Variants in DNAH17 observed in about 807,000 individuals in gnomAD.
DNAH17 encodes the protein axonemal beta dynein heavy chain 17.
A neutral mutation model predicts 485.6 loss-of-function variants in DNAH17; 376 were observed. That is an observed-to-expected ratio of 0.77 (90% CI 0.71 to 0.84). The LOEUF is 0.84. Ranked by LOEUF, DNAH17 falls within the 40% of genes least tolerant of loss-of-function variation. The probability of loss-of-function intolerance (pLI) is 0.00; values close to 1 mark genes in which losing one functional copy is unlikely to be tolerated. For missense variants in DNAH17, 6,370 were observed against 5,839.3 expected (o/e 1.09, Z -2.96); for synonymous variants, 3,031 against 2,405.9 (o/e 1.26, Z -7.60).
chr17:78,481,354 C>T (rs2089343513), intron 48 of DNAH17, among the ~76,000 whole-genome samples: 1 of 152,196 alleles, frequency 6.6e-6, no homozygotes, highest in African/African-American at 2.4e-5. Context: ...CCGCCCGCCT[C>T]AGCCTCCCAA....
Position 78,570,832 on chromosome 17 carries a change from T to C in DNAH17, c.918+116A>G, listed in dbSNP as rs569864224. 4.8e-6 allele frequency: 3 copies of C among 624,834 alleles called. No homozygotes were observed. The African/African-American group carries it at 7.2e-5, about 15-fold the overall frequency. 38.7% of individuals were successfully genotyped at this position (624,834 alleles called of 1,614,324 possible). A position where few individuals can be genotyped will look rare whatever the true frequency, so the allele number is the denominator to read the frequency against. Reference sequence around the variant, plus strand: ...GAGATCGCGCCACAGCACTCTAGCCTGGTGACAGAGCGAGACTCCCTCTCA... The same window carrying C: ...GAGATCGCGCCACAGCACTCTAGCCCGGTGACAGAGCGAGACTCCCTCTCA... On this transcript the variant is annotated intron_variant, in intron 6 of 80. Coordinates refer to ENST00000389840, the MANE Select transcript of DNAH17 (RefSeq NM_173628.4).
At chr17:78,529,720 T>TG in intron 21 of DNAH17, 26 bp from the exon 22 acceptor site, 3 of 1,611,062 alleles carry the variant, frequency 1.9e-6, no homozygotes, top group East Asian at 2.2e-5. Context: ...ACCATTTGTG[T>TG]GGCCCCAGCC....
chr17:78,534,066 C>T (rs955252201), intron 19 of DNAH17, among the ~76,000 whole-genome samples: 3 of 152,242 alleles, frequency 2.0e-5, no homozygotes, highest in Admixed American at 6.5e-5. Context: ...CTAGGCAATT[C>T]TTTGAGATAG....
chr17:78,567,776 T>C (rs1325669307), intron 9 of DNAH17, among the ~76,000 whole-genome samples: 1 of 152,136 alleles, frequency 6.6e-6, no homozygotes, highest in African/African-American at 2.4e-5. Flanking sequence ...CGGTCTCCCA[T>C]CTGCGCCGCT....
chr17:78,499,111 G>C lies in DNAH17; in HGVS notation c.5642C>G (p.Ser1881Cys). The change falls in exon 37 of 81, where the codon TCC (serine) becomes TGC (cysteine). Residue 1881 changes from serine (S) to cysteine (C), a missense_variant and splice_region_variant. Coordinates refer to ENST00000389840, the MANE Select transcript of DNAH17 (RefSeq NM_173628.4). ...CAGGCCCTTGTAGATATTTCCACAG[G>C]ACTGGAAAGGGCGAGATGGAGAAAG... ...FNCSEQMDYK[S>C]CGNIYKGLAQ... The C allele has an allele frequency of 6.3e-7, 1 of 1,585,666 alleles. No individual in the cohort carries two copies. The highest frequency in any genetic ancestry group is 8.6e-7 in the Non-Finnish European group (1 of 1,166,632).
At chr17:78,479,341 C>T in intron 50 of DNAH17, 144 bp downstream of exon 50, 1 of 1,195,536 alleles carries the variant, frequency 8.4e-7, no homozygotes, top group Non-Finnish European at 1.1e-6. Context: ...TTCACAATTT[C>T]TCCTGTCGAA....
chr17:78,563,159 T>C (rs1265025849), intron 11 of DNAH17, among the ~76,000 whole-genome samples: 6 of 152,218 alleles, frequency 3.9e-5, no homozygotes, highest in Non-Finnish European at 8.8e-5. Context: ...TTTAAGTTAA[T>C]TGTGTTTTTC....
At chr17:78,431,666 G>A (rs146841380) in intron 75 of DNAH17, among the ~76,000 whole-genome samples, 23 of 152,274 alleles carry the variant, frequency 1.5e-4, no homozygotes, top group Non-Finnish European at 3.1e-4. Flanking sequence ...AGCATGACCT[G>A]TGCCATGAAG....
Position 78,462,892 on chromosome 17 carries a change from G to C in DNAH17, c.9126C>G (p.Ile3042Met), listed in dbSNP as rs751541853. The change falls in exon 57 of 81, where the codon ATC (isoleucine) becomes ATG (methionine). Residue 3042 changes from isoleucine (I) to methionine (M), a missense_variant. Ile to Met is a conservative substitution (Grantham distance 10, BLOSUM62 1). Transcript: ENST00000389840. ...TCATCAGGCCGTTCTCCAGCCTCTC[G>C]ATTTTGGCAACAAGTTCCGTTCTCT... Reference protein sequence around the residue: ...AKKRTELVAKIERLENGLMKL... With the variant: ...AKKRTELVAKMERLENGLMKL... The C allele has an allele frequency of 1.3e-5, 21 of 1,613,814 alleles. No individual in the cohort carries two copies. The highest frequency in any genetic ancestry group is 3.3e-4 in the Middle Eastern group (2 of 6,084).
In DNAH17 at chr17:78,537,417, G is replaced by A. The variant is rs370734377; in HGVS notation, c.2741C>T (p.Pro914Leu). ...ELDEDGLTFN[P>L]TLEVGSDRGF... Reference sequence around the variant, plus strand: ...GCGATCTGAGCCCACCTCCAGGGTCGGGTTGAAGGTCAGCCCATCCTCGTC... The same window carrying A: ...GCGATCTGAGCCCACCTCCAGGGTCAGGTTGAAGGTCAGCCCATCCTCGTC... Residue 914 changes from proline to leucine, a missense_variant, in exon 19 of 81, where the codon CCG becomes CTG. By Grantham distance (98) the Pro-to-Leu change is moderately conservative (BLOSUM62 -3). Transcript: ENST00000389840. 6.2e-6 allele frequency: 10 copies of A among 1,613,382 alleles called. No homozygotes were observed. In the East Asian group the frequency reaches 6.7e-5, roughly 11 times the overall value.
intron 44 of DNAH17, among the ~76,000 whole-genome samples, chr17:78,487,722 G>T (rs542762538): frequency 1.4e-4 from 21 of 152,078 alleles, no homozygotes; most frequent in Admixed American, 1.4e-3. Context: ...ACAGGGTTTC[G>T]CCACGTTGGC....
chr17:78,486,766 G>C (rs571072818), intron 44 of DNAH17, among the ~76,000 whole-genome samples: 3 of 152,218 alleles, frequency 2.0e-5, no homozygotes. Context: ...TGTAGGTCTA[G>C]AACAGTTGGA....
Position 78,491,531 on chromosome 17 carries a change from G to T in DNAH17, c.6581C>A (p.Thr2194Asn). Residue 2194 changes from threonine (T) to asparagine (N), a missense_variant, in exon 43 of 81, where the codon ACC (threonine) becomes AAC (asparagine). Coordinates refer to ENST00000389840, the MANE Select transcript of DNAH17 (RefSeq NM_173628.4). The stretch of plus-strand genomic sequence containing the variant: ...GATGATCCACTTGGGGCCGTCATGG[G>T]TGATGTTGGCCAGGTCTCGCATGAT... ...STIMRDLANI[T>N]HDGPKWIILD... The T allele has an allele frequency of 6.2e-7, 1 of 1,614,032 alleles. No homozygotes were observed. Among genetic ancestry groups the T allele is most frequent in the Non-Finnish European group, 8.5e-7 (1 of 1,179,950 alleles).
rs1230034096 is a variant in DNAH17, at chr17:78,494,184, A to G, written c.6271-11T>C. The G allele has an allele frequency of 6.2e-7, 1 of 1,606,358 alleles. No individual in the cohort carries two copies. The highest frequency in any genetic ancestry group is 1.1e-5 in the South Asian group (1 of 90,830). ...GCTCTGCTTGATGATCTGGGGAGACATGGATGAGGCTGGGTGAGGAACTGA... is the reference window on the plus strand; with the variant it reads ...GCTCTGCTTGATGATCTGGGGAGACGTGGATGAGGCTGGGTGAGGAACTGA... On this transcript the variant is annotated splice_polypyrimidine_tract_variant and intron_variant, in intron 40 of 80. Coordinates refer to ENST00000389840, the MANE Select transcript of DNAH17 (RefSeq NM_173628.4).
In DNAH17 at chr17:78,499,011, C is replaced by T. The variant is rs749811297; in HGVS notation, c.5742G>A (p.Val1914=). The T allele has an allele frequency of 1.9e-6, 3 of 1,607,216 alleles. No individual in the cohort carries two copies. The highest frequency in any genetic ancestry group is 2.5e-6 in the Non-Finnish European group (3 of 1,176,948). ...GGCCGCAGGCAGGGGACTTTACCTG[C>T]ACGGCAATCACAGACAAGACTTCCA... ...ISVEVLSVIA[V]QVKCVQDAIR... is the part of the protein sequence containing the mutation. Residue 1914 remains valine, a synonymous_variant, in exon 37 of 81, where the codon GTG becomes GTA. Transcript: ENST00000389840.
intron 48 of DNAH17, 95 bp from the exon 49 acceptor site, chr17:78,480,881 A>G (rs1375238529): frequency 1.2e-6 from 1 of 846,624 alleles, no homozygotes; most frequent in Non-Finnish European, 1.9e-6. Flanking sequence ...CCTTATTATT[A>G]TTTTTTTGAG....
intron 9 of DNAH17, 47 bp downstream of exon 9, chr17:78,569,119 A>G (rs2092312740): frequency 6.9e-7 from 1 of 1,453,556 alleles, no homozygotes; most frequent in African/African-American, 1.4e-5. Flanking sequence ...CTAGGGTAGG[A>G]GCAGTCTGGG....
chr17:78,440,823 C>T (rs1489674298), intron 72 of DNAH17, among the ~76,000 whole-genome samples: 1 of 152,238 alleles, frequency 6.6e-6, no homozygotes, highest in African/African-American at 2.4e-5. Flanking sequence ...CTGTTTTCCA[C>T]AGCAGCGGCC....
Position 78,569,520 on chromosome 17 carries a change from G to C in DNAH17, c.1052C>G (p.Thr351Ser). ...CAGCACCTCTTCCGGGCTCAGGAAG[G>C]TTCGTGTCTGGGCAAAAGAGAAGAC... ...FCNQIIEMTR[T>S]FLSPEEVLKG... is the part of the protein sequence containing the mutation. The change falls in exon 8 of 81, where the codon ACC (threonine) becomes AGC (serine). Residue 351 changes from threonine (T) to serine (S), a missense_variant. Transcript: ENST00000389840. 6.2e-7 allele frequency: 1 copy of C among 1,604,978 alleles called. No homozygotes were observed. The highest frequency in any genetic ancestry group is 8.5e-7 in the Non-Finnish European group (1 of 1,175,778).
Sources: allele counts gnomAD v4.1 joint callset (sites outside exome capture counted in the v4.1 genomes callset), GRCh38; gene constraint gnomAD v4.1.1; transcripts MANE v1.5; gene names NCBI Gene and HGNC (gene_info 2026-07-23, HGNC 2026-07-21).